The following FRMD4A variants were observed in gnomAD, a reference collection of about 807,000 sequenced individuals.
The protein encoded by FRMD4A is FERM domain containing 4A.
A neutral mutation model predicts 129.1 loss-of-function variants in FRMD4A; 29 were observed. That is an observed-to-expected ratio of 0.22 (90% CI 0.17 to 0.31). FRMD4A has a LOEUF of 0.31. Ranked by LOEUF, FRMD4A falls within the 10% of genes least tolerant of loss-of-function variation. FRMD4A has a pLI of 1.00. For missense variants in FRMD4A, 1,272 were observed against 1,375.8 expected, an observed-to-expected ratio of 0.92 and a Z score of 1.19; for synonymous variants, 634 against 571.6, an observed-to-expected ratio of 1.11 and a Z score of -1.56.
intron 2 of FRMD4A, among the ~76,000 whole-genome samples, chr10:13,863,632 C>G (rs2094323381): frequency 6.6e-6 from 1 of 151,852 alleles, no homozygotes; most frequent in African/African-American, 2.4e-5. Flanking sequence ...TCCTAATTGT[C>G]ATGCACGTGG....
At chr10:14,192,128 T>G (rs1842338072) in intron 2 of FRMD4A, among the ~76,000 whole-genome samples, 1 of 152,206 alleles carries the variant, frequency 6.6e-6, no homozygotes, top group African/African-American at 2.4e-5. Context: ...AAAGTCACCA[T>G]CCCCTTATCA....
chr10:13,957,229 T>A (rs775350284), intron 2 of FRMD4A, among the ~76,000 whole-genome samples: 1 of 152,152 alleles, frequency 6.6e-6, no homozygotes, highest in Non-Finnish European at 1.5e-5. Context: ...AGTGTGCCAG[T>A]GTTTATGTTT....
At chr10:13,969,568 G>A (rs539176472) in intron 2 of FRMD4A, among the ~76,000 whole-genome samples, 45 of 152,370 alleles carry the variant, frequency 3.0e-4, no homozygotes, top group Admixed American at 1.1e-3. Context: ...AAGACAAAGA[G>A]TGCCAGATGT....
At chr10:14,018,455 C>CAAAAAAAAAAAAAAAAA (rs71388151) in intron 2 of FRMD4A, among the ~76,000 whole-genome samples, 1 of 59,250 alleles carries the variant, frequency 1.7e-5, no homozygotes, top group Non-Finnish European at 2.9e-5. Context: ...GACTCCATCT[C>CAAAAAAAAAAAAAAAAA]AAAAAAAAAA....
intron 2 of FRMD4A, among the ~76,000 whole-genome samples, chr10:13,959,502 T>C (rs1288956908): frequency 4.7e-5 from 1 of 21,440 alleles, no homozygotes; most frequent in Non-Finnish European, 6.3e-5. Context: ...AAAAAAAAGC[T>C]GTGAGTGATT....
intron 4 of FRMD4A, among the ~76,000 whole-genome samples, chr10:13,806,103 C>T (rs562017799): frequency 8.5e-5 from 13 of 152,102 alleles, no homozygotes; most frequent in African/African-American, 3.1e-4. Flanking sequence ...GTTATCTGCC[C>T]ACCTCAGCCT....
chr10:13,991,827 A>G (rs1008451847), intron 2 of FRMD4A: 3 of 152,670 alleles, frequency 2.0e-5, no homozygotes, highest in Non-Finnish European at 4.4e-5. Context: ...ATATGTGCAC[A>G]TATTTACATG....
At chr10:13,944,077 C>A (rs980902045) in intron 2 of FRMD4A, among the ~76,000 whole-genome samples, 2 of 152,278 alleles carry the variant, frequency 1.3e-5, no homozygotes, top group East Asian at 3.9e-4. Context: ...CAGGTGAATA[C>A]CTAAACCATC....
At chr10:14,097,163 A>AAAAAG (rs768074090) in intron 2 of FRMD4A, 1 of 93,802 alleles carries the variant, frequency 1.1e-5, no homozygotes, top group Non-Finnish European at 2.0e-5. Flanking sequence ...AAAAAAAAAA[A>AAAAAG]AAAAGAAAAG....
intron 4 of FRMD4A, among the ~76,000 whole-genome samples, chr10:13,810,077 C>CAGAGAG (rs36074024): frequency 6.7e-6 from 1 of 149,960 alleles, no homozygotes; most frequent in Non-Finnish European, 1.5e-5. Flanking sequence ...ATCTGGAAGA[C>CAGAGAG]AGAGAGAGAG....
At chr10:13,972,012 A>G (rs1167097107) in intron 2 of FRMD4A, 1 of 1,178,138 alleles carries the variant, frequency 8.5e-7, no homozygotes, top group Non-Finnish European at 1.1e-6. Flanking sequence ...CTTCAAGGAT[A>G]AGCAAAAGGC....
At chr10:14,221,426 C>T (rs1273899573) in intron 2 of FRMD4A, among the ~76,000 whole-genome samples, 1 of 152,148 alleles carries the variant, frequency 6.6e-6, no homozygotes, top group Non-Finnish European at 1.5e-5. Context: ...CAAATACAGG[C>T]TCTTTTATCC....
At chr10:14,273,970 G>A (rs1458515846) in intron 2 of FRMD4A, among the ~76,000 whole-genome samples, 2 of 152,210 alleles carry the variant, frequency 1.3e-5, no homozygotes, top group Non-Finnish European at 2.9e-5. Context: ...GTGGAGACTG[G>A]TGAGAAAGAG....
intron 2 of FRMD4A, among the ~76,000 whole-genome samples, chr10:14,244,723 A>T (rs1844172954): frequency 1.3e-5 from 2 of 152,230 alleles, no homozygotes; most frequent in South Asian, 4.1e-4. Context: ...CATTTTCCAG[A>T]TGAAGCAACT....
chr10:13,904,673 A>G (rs1349685049), intron 2 of FRMD4A, among the ~76,000 whole-genome samples: 1 of 152,176 alleles, frequency 6.6e-6, no homozygotes, highest in African/African-American at 2.4e-5. Flanking sequence ...ATAGATTTTT[A>G]TAGTTAAATC....
intron 2 of FRMD4A, among the ~76,000 whole-genome samples, chr10:14,121,222 G>C (rs972743862): frequency 6.6e-6 from 1 of 152,118 alleles, no homozygotes; most frequent in African/African-American, 2.4e-5. Context: ...ACAAAAGTTA[G>C]CCGGGCATGG....
At chr10:13,864,262 C>T (rs1419720788) in intron 2 of FRMD4A, among the ~76,000 whole-genome samples, 1 of 145,418 alleles carries the variant, frequency 6.9e-6, no homozygotes, top group Admixed American at 7.1e-5. Context: ...TCCCAAAGTG[C>T]TAGGATTATA....
intron 2 of FRMD4A, among the ~76,000 whole-genome samples, chr10:14,152,079 A>G (rs1263761366): frequency 6.6e-6 from 1 of 151,072 alleles, no homozygotes; most frequent in Non-Finnish European, 1.5e-5. Flanking sequence ...TGGAAAATAA[A>G]TAAATACATA....
At chr10:13,968,202 G>C (rs2095496925) in intron 2 of FRMD4A, among the ~76,000 whole-genome samples, 1 of 152,094 alleles carries the variant, frequency 6.6e-6, no homozygotes, top group African/African-American at 2.4e-5. Context: ...AGAACCGCTG[G>C]GAGTCAGGAC....
Sources: allele counts gnomAD v4.1 joint callset (sites outside exome capture counted in the v4.1 genomes callset), GRCh38; gene constraint gnomAD v4.1.1; transcripts MANE v1.5; gene names NCBI Gene and HGNC (gene_info 2026-07-23, HGNC 2026-07-21).